The following PLB1 variants were observed in gnomAD, a reference collection of about 807,000 sequenced individuals.
PLB1 encodes the protein phospholipase B1, also known as phospholipase B1, membrane-associated.
PLB1 carries 242 observed loss-of-function variants against 227.4 expected under a neutral mutation model. That is an observed-to-expected ratio of 1.06 (90% CI 0.96 to 1.18). The LOEUF (loss-of-function observed/expected upper bound fraction) is 1.18, where lower values mean the gene tolerates loss of function less well. Among genes scored for constraint, PLB1 ranks in the 50% most tolerant of loss-of-function variants. The probability of loss-of-function intolerance (pLI) is 0.00; values close to 1 mark genes in which losing one functional copy is unlikely to be tolerated. For missense variants in PLB1, 1,858 were observed against 1,816.3 expected (o/e 1.02, Z -0.42); for synonymous variants, 757 against 682.2 (o/e 1.11, Z -1.71).
rs770236669 is a variant in PLB1 at position 28,525,305 on chromosome 2, C to G, written c.282C>G (p.Asp94Glu). 5 of 1,613,596 alleles carry G rather than the reference C, an allele frequency of 3.1e-6. No individual in the cohort carries two copies. Among genetic ancestry groups the G allele is most frequent in the Non-Finnish European group, 4.2e-6 (5 of 1,179,828 alleles). The change falls in exon 5 of 58, where the codon GAC becomes GAG. Residue 94 changes from aspartate to glutamate, a missense_variant and splice_region_variant. Asp to Glu is a conservative substitution (Grantham distance 45). Transcript: ENST00000327757. ...GGACGGGCGATCTGGAGAAGCAAGA[C>G]TGGTAACTATCCTGAAAACACAGAA... is the stretch of plus-strand genomic sequence containing the variant. ...DPGTGDLEKQDWTERPQQVCM... is the reference protein window; with the variant it reads ...DPGTGDLEKQEWTERPQQVCM...
At chr2:28,638,086 C>G (rs1325373311) in intron 56 of PLB1, among the ~76,000 whole-genome samples, 1 of 151,974 alleles carries the variant, frequency 6.6e-6, no homozygotes, top group Non-Finnish European at 1.5e-5. Flanking sequence ...GCTCCAGGTG[C>G]TGAGGACTCA....
intron 3 of PLB1, among the ~76,000 whole-genome samples, chr2:28,519,102 A>C (rs1265640768): frequency 6.6e-6 from 1 of 152,262 alleles, no homozygotes; most frequent in East Asian, 1.9e-4. Flanking sequence ...GGTGGCTTAC[A>C]TGTAAATGAT....
chr2:28,585,717 G>A (rs764855709), intron 25 of PLB1, 44 bp from the exon 26 acceptor site: 107 of 1,447,080 alleles, frequency 7.4e-5, no homozygotes, highest in South Asian at 4.6e-5. Flanking sequence ...ATTCAGGATG[G>A]TGATCTTGGT....
intron 44 of PLB1, among the ~76,000 whole-genome samples, chr2:28,616,293 G>T (rs1686193044): frequency 6.6e-6 from 1 of 152,212 alleles, no homozygotes; most frequent in Admixed American, 6.5e-5. Context: ...ACCCTGATTT[G>T]ATCACTGCAC....
intron 25 of PLB1, among the ~76,000 whole-genome samples, chr2:28,584,623 C>T (rs59770470): frequency 9.2e-4 from 140 of 152,336 alleles, no homozygotes; most frequent in African/African-American, 3.2e-3. Context: ...CACTGAATGT[C>T]AAGGTTGGAT....
At chr2:28,635,168 C>T (rs192817637) in intron 56 of PLB1, among the ~76,000 whole-genome samples, 2 of 152,178 alleles carry the variant, frequency 1.3e-5, no homozygotes, top group East Asian at 3.8e-4. Flanking sequence ...CTAAAGCCAT[C>T]CAGGGGTTTC....
At chr2:28,599,535 A>G (rs192934082) in intron 35 of PLB1, among the ~76,000 whole-genome samples, 1 of 151,608 alleles carries the variant, frequency 6.6e-6, no homozygotes, top group East Asian at 1.9e-4. Context: ...CTATGGATCC[A>G]TCCCACCCAG....
intron 18 of PLB1, among the ~76,000 whole-genome samples, chr2:28,563,880 G>T (rs933261492): frequency 2.0e-5 from 3 of 152,142 alleles, no homozygotes; most frequent in African/African-American, 7.2e-5. Flanking sequence ...CTATCACAAT[G>T]ATATCATCCA....
At chr2:28,631,973 G>C in intron 54 of PLB1, 63 bp from the exon 55 acceptor site, 1 of 1,392,920 alleles carries the variant, frequency 7.2e-7, no homozygotes, top group East Asian at 2.3e-5. Context: ...CAAGGCAGCA[G>C]GACTGGACCC....
At chr2:28,532,048 A>C (rs1671083835) in intron 8 of PLB1, 60 bp from the exon 9 acceptor site, 1 of 1,277,296 alleles carries the variant, frequency 7.8e-7, no homozygotes, top group Non-Finnish European at 1.1e-6. Flanking sequence ...AAACAAAGAC[A>C]TTATTTTGGT....
intron 32 of PLB1, 152 bp downstream of exon 32, chr2:28,592,871 T>G: frequency 1.5e-6 from 1 of 654,484 alleles, no homozygotes; most frequent in Non-Finnish European, 2.6e-6. Context: ...GTTATTTGAT[T>G]TGCGGCCACT....
In PLB1 at chr2:28,585,821, C is replaced by A; in HGVS notation, c.1794C>A (p.Ile598=). ...DDNSTELATL[I]EFNKKFQEKT... ...ACTCAACAGAACTTGCTACCCTCAT[C>A]GAATTCAACAAGAAGTTTCAGGTAA... The change falls in exon 26 of 58, where the codon ATC becomes ATA. Residue 598 remains isoleucine, a synonymous_variant. Coordinates refer to ENST00000327757, the MANE Select transcript of PLB1 (RefSeq NM_153021.5). 1 of 1,609,978 alleles carries A rather than the reference C, an allele frequency of 6.2e-7. No individual in the cohort carries two copies. The highest frequency in any genetic ancestry group is 8.5e-7 in the Non-Finnish European group (1 of 1,176,298).
At chr2:28,593,968 G>A (rs1349775601) in intron 33 of PLB1, 1 of 676,982 alleles carries the variant, frequency 1.5e-6, no homozygotes, top group Non-Finnish European at 2.7e-6. Context: ...TTTTGATTGT[G>A]CAGAGAAAGT....
At chr2:28,561,319 CA>C (rs35231593) in intron 17 of PLB1, among the ~76,000 whole-genome samples, 138,753 of 152,160 alleles carry the variant, frequency 0.91, 63,625 homozygotes, top group East Asian at 0.99. Context: ...TGCTCAAACT[CA>C]AAAGATAAAA....
intron 35 of PLB1, among the ~76,000 whole-genome samples, chr2:28,599,262 C>T (rs552184631): frequency 6.6e-6 from 1 of 152,338 alleles, no homozygotes; most frequent in African/African-American, 2.4e-5. Flanking sequence ...CAAAGAAGAG[C>T]AACTGCCCAG....
intron 35 of PLB1, among the ~76,000 whole-genome samples, chr2:28,599,653 A>G (rs768708968): frequency 3.9e-5 from 6 of 152,258 alleles, no homozygotes; most frequent in Admixed American, 6.5e-5. Context: ...GTCTCATTCT[A>G]TCACTCAGGC....
At chr2:28,601,469 CCACACACACA>C (rs3071740) in intron 37 of PLB1, 137 bp downstream of exon 37, 60 of 600,184 alleles carry the variant, frequency 1.0e-4, no homozygotes, top group East Asian at 9.4e-4. Context: ...TATACACATA[CCACACACACA>C]CACACACACA....
chr2:28,503,448 G>A (rs984218854), intron 1 of PLB1, among the ~76,000 whole-genome samples: 6 of 152,162 alleles, frequency 3.9e-5, no homozygotes, highest in Non-Finnish European at 2.9e-5. Context: ...CACCATATCT[G>A]GCTTTTATTG....
chr2:28,633,755 A>AC (rs1688974159), intron 56 of PLB1, among the ~76,000 whole-genome samples: 1 of 152,170 alleles, frequency 6.6e-6, no homozygotes, highest in Non-Finnish European at 1.5e-5. Flanking sequence ...TTGACCTGTC[A>AC]CCCCCAACAA....
Sources: allele counts gnomAD v4.1 joint callset (sites outside exome capture counted in the v4.1 genomes callset), GRCh38; gene constraint gnomAD v4.1.1; transcripts MANE v1.5; gene names NCBI Gene and HGNC (gene_info 2026-07-23, HGNC 2026-07-21).